Variants in XYLT1 observed in about 807,000 individuals in gnomAD.
XYLT1 encodes the protein xylosyltransferase 1, also known as beta-D-xylosyltransferase 1.
A neutral mutation model predicts 91.3 loss-of-function variants in XYLT1; 36 were observed. The ratio of observed to expected loss-of-function variants is 0.39; its 90% CI spans 0.30 to 0.52. The LOEUF (loss-of-function observed/expected upper bound fraction) is 0.52. Ranked by LOEUF, XYLT1 falls within the 20% of genes least tolerant of loss-of-function variation. XYLT1 has a pLI of 0.68. For missense variants in XYLT1, 1,242 were observed against 1,284.5 expected (o/e 0.97, Z 0.51); for synonymous variants, 588 against 532.0 (o/e 1.11, Z -1.45).
intron 2 of XYLT1, among the ~76,000 whole-genome samples, chr16:17,266,075 G>A (rs1340839881): frequency 1.3e-5 from 2 of 152,192 alleles, no homozygotes; most frequent in African/African-American, 2.4e-5. Flanking sequence ...ACCAGGAACT[G>A]AGGACAAAAT....
chr16:17,182,055 A>C (rs2032082641), intron 5 of XYLT1, among the ~76,000 whole-genome samples: 1 of 152,134 alleles, frequency 6.6e-6, no homozygotes, highest in African/African-American at 2.4e-5. Context: ...CTGGAGTCCC[A>C]CCTGGCTATT....
chr16:17,396,060 G>A lies in XYLT1; in HGVS notation c.364-38010C>T, dbSNP rs1004064402. On this transcript the variant is annotated intron_variant, in intron 1 of 11. Coordinates refer to ENST00000261381, the MANE Select transcript of XYLT1 (RefSeq NM_022166.4). Reference sequence around the variant, plus strand: ...TCCAAGCCAGAGCTGCCAAATTCTCGACGCATGAAAAACAAAGGCGTCTGG... The same window carrying A: ...TCCAAGCCAGAGCTGCCAAATTCTCAACGCATGAAAAACAAAGGCGTCTGG... Among the ~76,000 whole-genome samples, 5 of 152,140 alleles carry A rather than the reference G, an allele frequency of 3.3e-5. No homozygotes were observed. In the South Asian group the frequency reaches 6.2e-4, roughly 19 times the overall value.
At chr16:17,429,963 G>T (rs2036369962) in intron 1 of XYLT1, among the ~76,000 whole-genome samples, 1 of 142,206 alleles carries the variant, frequency 7.0e-6, no homozygotes, top group African/African-American at 2.7e-5. Context: ...TTGAGACAGA[G>T]TCTTGCTCGG....
At chr16:17,209,125 A>G (rs2032712254) in intron 3 of XYLT1, among the ~76,000 whole-genome samples, 1 of 152,194 alleles carries the variant, frequency 6.6e-6, no homozygotes, top group African/African-American at 2.4e-5. Context: ...TTCATCTTGC[A>G]AAACTGAAAC....
intron 1 of XYLT1, among the ~76,000 whole-genome samples, chr16:17,415,305 T>C (rs529719171): frequency 4.2e-4 from 64 of 152,034 alleles, no homozygotes; most frequent in African/African-American, 1.4e-3. Flanking sequence ...GGTGCAGGAG[T>C]TGAGAACACA....
At chr16:17,262,789 G>A (rs918711157) in intron 2 of XYLT1, among the ~76,000 whole-genome samples, 1 of 152,146 alleles carries the variant, frequency 6.6e-6, no homozygotes, top group African/African-American at 2.4e-5. Flanking sequence ...TCAGTGTGCA[G>A]AAATTGACCC....
Position 17,321,966 on chromosome 16 carries a change from T to C in XYLT1, c.402+36046A>G, listed in dbSNP as rs527847333. ...ACAATGGGAAGGAAAGAAGAAGTAG[T>C]GAAGGGAACTTATCATCACTGAGTT... On this transcript the variant is annotated intron_variant, in intron 2 of 11. Transcript: ENST00000261381. 9.3e-4 allele frequency among the ~76,000 whole-genome samples: 141 copies of C among 152,200 alleles called. 2 individuals carry two copies. Among genetic ancestry groups the C allele is most frequent in the Middle Eastern group, 3.4e-3 (1 of 294 alleles).
chr16:17,216,687 G>C (rs2032867535), intron 3 of XYLT1, among the ~76,000 whole-genome samples: 1 of 152,180 alleles, frequency 6.6e-6, no homozygotes, highest in Non-Finnish European at 1.5e-5. Context: ...ATGAGGTCCT[G>C]CTATCATTCT....
chr16:17,308,597 T>C (rs1251470329), intron 2 of XYLT1, among the ~76,000 whole-genome samples: 1 of 152,196 alleles, frequency 6.6e-6, no homozygotes, highest in African/African-American at 2.4e-5. Context: ...GCTGGTTCGG[T>C]CCACACTTGC....
At chr16:17,288,682 C>T (rs1392708153) in intron 2 of XYLT1, among the ~76,000 whole-genome samples, 4 of 152,178 alleles carry the variant, frequency 2.6e-5, no homozygotes, top group African/African-American at 9.7e-5. Context: ...CCTGTCACTG[C>T]CATTTGCTCT....
chr16:17,221,527 C>T (rs1007723616), intron 3 of XYLT1, among the ~76,000 whole-genome samples: 1 of 152,062 alleles, frequency 6.6e-6, no homozygotes, highest in Non-Finnish European at 1.5e-5. Flanking sequence ...GGATCTGAAC[C>T]CAGACTAACC....
intron 3 of XYLT1, among the ~76,000 whole-genome samples, chr16:17,255,599 C>T (rs1457591332): frequency 6.6e-6 from 1 of 152,230 alleles, no homozygotes; most frequent in Non-Finnish European, 1.5e-5. Flanking sequence ...ATTATTGCTA[C>T]ACTCTGTGTG....
chr16:17,202,950 C>A (rs1202613463), intron 3 of XYLT1, among the ~76,000 whole-genome samples: 2 of 152,034 alleles, frequency 1.3e-5, no homozygotes, highest in African/African-American at 4.8e-5. Context: ...CAGCCCTTGA[C>A]GTTCATTAGA....
At chr16:17,177,602 C>T (rs2031973182) in intron 5 of XYLT1, among the ~76,000 whole-genome samples, 1 of 152,164 alleles carries the variant, frequency 6.6e-6, no homozygotes, top group Admixed American at 6.5e-5. Flanking sequence ...TGAACAAATT[C>T]ACAGTGACGC....
intron 2 of XYLT1, among the ~76,000 whole-genome samples, chr16:17,277,333 A>G (rs1345595861): frequency 6.6e-6 from 1 of 150,976 alleles, no homozygotes; most frequent in Non-Finnish European, 1.5e-5. Flanking sequence ...GTAGTACCCA[A>G]TGGTTAGTTT....
rs542142987 is a variant in XYLT1 at position 17,232,949 on chromosome 16, A to G, written c.913+26039T>C. 1.8e-3 allele frequency among the ~76,000 whole-genome samples: 275 copies of G among 152,106 alleles called. 2 individuals are homozygous for G. The highest frequency in any genetic ancestry group is 6.4e-3 in the African/African-American group (264 of 41,496). ...TTCACTGATTGCCCCCTTTGGGCAT[A>G]ATTCTTCCTCTTTTGTGTCATATTT... On this transcript the variant is annotated intron_variant, in intron 3 of 11. Coordinates refer to ENST00000261381, the MANE Select transcript of XYLT1 (RefSeq NM_022166.4).
rs952133676 is a variant in XYLT1 at position 17,235,788 on chromosome 16, T to C, written c.913+23200A>G. ...CCTTGAGTGTCCTCCAAGTAACAGC[T>C]TTAGTCCAAACCCAGGTTCTAAGGG... On this transcript the variant is annotated intron_variant, in intron 3 of 11. Coordinates refer to ENST00000261381, the MANE Select transcript of XYLT1 (RefSeq NM_022166.4). Among the ~76,000 whole-genome samples the C allele has an allele frequency of 2.6e-5, 4 of 152,190 alleles. No individual in the cohort carries two copies. In the East Asian group the frequency reaches 7.7e-4, roughly 29 times the overall value.
intron 1 of XYLT1, among the ~76,000 whole-genome samples, chr16:17,447,210 C>T (rs531694283): frequency 6.6e-6 from 1 of 152,284 alleles, no homozygotes; most frequent in African/African-American, 2.4e-5. Context: ...TCCCTAAGAC[C>T]CTCCCAATGC....
chr16:17,247,721 C>G (rs927049851), intron 3 of XYLT1, among the ~76,000 whole-genome samples: 3 of 152,132 alleles, frequency 2.0e-5, no homozygotes, highest in African/African-American at 7.2e-5. Context: ...TTCTCCTAAT[C>G]CAGGGTCAGG....
Sources: gnomAD v4.1 joint callset for allele counts (sites outside exome capture counted in the v4.1 genomes callset) on GRCh38, gnomAD v4.1.1 for gene constraint, MANE v1.5 for transcripts, NCBI Gene and HGNC (gene_info 2026-07-23, HGNC 2026-07-21) for gene names.